The following RAB6A variants were observed in gnomAD, a reference collection of about 807,000 sequenced individuals.
RAB6A encodes the protein ras-related protein Rab-6A.
RAB6A carries 8 observed loss-of-function variants against 32.3 expected under a neutral mutation model. That is an observed-to-expected ratio of 0.25 (90% CI 0.15 to 0.45). The LOEUF (loss-of-function observed/expected upper bound fraction) is 0.45, where lower values mean the gene tolerates loss of function less well. RAB6A is among the 20% of genes least tolerant of loss of function. The pLI, the probability that RAB6A is intolerant of heterozygous loss-of-function variation, is 1.00. For missense variants in RAB6A, 104 were observed against 249.4 expected (o/e 0.42, Z 3.93); for synonymous variants, 73 against 82.1 (o/e 0.89, Z 0.60).
chr11:73,714,244 T>C (rs988904030), intron 5 of RAB6A, among the ~76,000 whole-genome samples: 2 of 141,014 alleles, frequency 1.4e-5, no homozygotes, highest in Non-Finnish European at 3.1e-5. Flanking sequence ...ACATATAATT[T>C]GACAAGTTTC....
At chr11:73,732,090 T>C (rs1946324851) in intron 1 of RAB6A, among the ~76,000 whole-genome samples, 1 of 151,996 alleles carries the variant, frequency 6.6e-6, no homozygotes, top group Admixed American at 6.6e-5. Flanking sequence ...AGGTCAAAAG[T>C]AGTGGAATGC....
At position 73,679,694 on chromosome 11, in the gene RAB6A, C is replaced by T; in HGVS notation, c.522G>A (p.Leu174=). The T allele has an allele frequency of 6.2e-7, 1 of 1,613,244 alleles. No homozygotes were observed. Among genetic ancestry groups the T allele is most frequent in the Non-Finnish European group, 8.5e-7 (1 of 1,179,824 alleles). ...KQLFRRVAAA[L]PGMESTQDRS... ...TGTCCTGTGTGCTTTCCATTCCCGG[C>T]AAAGCTGCTGCTACACGTCGAAAGA... The change falls in exon 7 of 8, where the codon TTG becomes TTA. Residue 174 remains leucine (L), a synonymous_variant. Coordinates refer to ENST00000336083, the MANE Select transcript of RAB6A (RefSeq NM_198896.2).
Position 73,679,666 on chromosome 11 carries a change from T to C in RAB6A, c.550A>G (p.Ser184Gly), listed in dbSNP as rs1230000407. ...LPGMESTQDR[S>G]REDMIDIKLE... Reference sequence around the variant, plus strand: ...ATAAAAAGGATACTATCTTCTCTGCTTCTGTCCTGTGTGCTTTCCATTCCC... The same window carrying C: ...ATAAAAAGGATACTATCTTCTCTGCCTCTGTCCTGTGTGCTTTCCATTCCC... The change falls in exon 7 of 8, where the codon AGC becomes GGC. Residue 184 changes from serine to glycine, a missense_variant. Coordinates refer to ENST00000336083, the MANE Select transcript of RAB6A (RefSeq NM_198896.2). The C allele has an allele frequency of 1.2e-6, 2 of 1,614,130 alleles. No individual in the cohort carries two copies. The highest frequency in any genetic ancestry group is 1.7e-6 in the Non-Finnish European group (2 of 1,179,968).
chr11:73,721,691 GT>G (rs142282849), intron 2 of RAB6A, among the ~76,000 whole-genome samples: 1,633 of 152,148 alleles, frequency 0.011, 25 homozygotes, highest in African/African-American at 0.035. Context: ...TATTTTAGAA[GT>G]TTTACCACCT....
At chr11:73,678,675 G>C (rs1299094128) in intron 7 of RAB6A, among the ~76,000 whole-genome samples, 1 of 151,204 alleles carries the variant, frequency 6.6e-6, no homozygotes, top group Non-Finnish European at 1.5e-5. Flanking sequence ...ATTTTTTGTT[G>C]TTGTTGTTGT....
At position 73,719,004 on chromosome 11, in the gene RAB6A, C is replaced by T. The variant is rs893075534; in HGVS notation, c.184-286G>A. 2.1e-5 allele frequency: 20 copies of T among 946,692 alleles called. No homozygotes were observed. The Admixed American group carries it at 5.8e-4, about 27-fold the overall frequency. 58.6% of individuals were successfully genotyped at this position (946,692 alleles called of 1,614,324 possible). ...GGGTGGGAAGGAAGTAGAAAGAAGA[C>T]TCATGCAAGAGGTTGCAGGGAGTGA... On this transcript the variant is annotated intron_variant, in intron 3 of 7. Transcript: ENST00000336083.
intron 5 of RAB6A, among the ~76,000 whole-genome samples, chr11:73,713,069 T>A (rs1334298763): frequency 1.3e-5 from 2 of 152,116 alleles, no homozygotes; most frequent in Non-Finnish European, 2.9e-5. Context: ...TCTTATCTTA[T>A]AACTTCAGAG....
chr11:73,718,913 TAAA>T, intron 3 of RAB6A, 195 bp from the exon 4 acceptor site: 3 of 1,165,804 alleles, frequency 2.6e-6, no homozygotes, highest in Non-Finnish European at 3.4e-6. Flanking sequence ...AAAAAATAAA[TAAA>T]AAAAAAAAAA....
intron 6 of RAB6A, among the ~76,000 whole-genome samples, chr11:73,701,330 C>T (rs1208630799): frequency 6.6e-6 from 1 of 152,126 alleles, no homozygotes; most frequent in Non-Finnish European, 1.5e-5. Flanking sequence ...AAACACACAA[C>T]GGTAATAACA....
intron 6 of RAB6A, among the ~76,000 whole-genome samples, chr11:73,683,799 T>G (rs1005455681): frequency 6.6e-6 from 1 of 152,072 alleles, no homozygotes; most frequent in East Asian, 1.9e-4. Flanking sequence ...GTGATCCACC[T>G]GCCTCAGCCT....
intron 2 of RAB6A, among the ~76,000 whole-genome samples, chr11:73,723,942 AAT>A (rs1322713414): frequency 6.6e-6 from 1 of 152,208 alleles, no homozygotes; most frequent in Non-Finnish European, 1.5e-5. Context: ...CCTGCATTTC[AAT>A]ATATAAGATT....
intron 6 of RAB6A, among the ~76,000 whole-genome samples, chr11:73,692,979 C>CA (rs775366989): frequency 2.3e-5 from 3 of 132,094 alleles, no homozygotes; most frequent in Non-Finnish European, 3.4e-5. Flanking sequence ...CAAAACAAAA[C>CA]AAAAAAACAA....
At chr11:73,678,074 C>CT (rs1421460462) in intron 7 of RAB6A, 112 bp from the exon 8 acceptor site, 1 of 1,104,632 alleles carries the variant, frequency 9.1e-7, no homozygotes, top group Non-Finnish European at 1.4e-6. Flanking sequence ...AGCCTACACA[C>CT]TCACTATTTT....
chr11:73,697,557 G>A (rs898305985), intron 6 of RAB6A, among the ~76,000 whole-genome samples: 17 of 152,034 alleles, frequency 1.1e-4, no homozygotes, highest in African/African-American at 3.9e-4. Flanking sequence ...ATGTTGGCCA[G>A]GCTGATCTTG....
intron 1 of RAB6A, among the ~76,000 whole-genome samples, chr11:73,738,847 G>A (rs901429620): frequency 1.1e-4 from 17 of 151,402 alleles, no homozygotes; most frequent in African/African-American, 3.9e-4. Flanking sequence ...GAGAGGCTGA[G>A]CCCAGATGAT....
intron 1 of RAB6A, among the ~76,000 whole-genome samples, chr11:73,750,164 G>C (rs959188169): frequency 1.3e-5 from 2 of 152,142 alleles, no homozygotes; most frequent in African/African-American, 2.4e-5. Context: ...CAAAAGTAAA[G>C]TTTGTCAGGA....
At chr11:73,722,336 TA>T (rs2134955993) in intron 2 of RAB6A, 1 of 8,416 alleles carries the variant, frequency 1.2e-4, no homozygotes, top group Non-Finnish European at 2.3e-4. Context: ...TATATATATA[TA>T]TATATATTTT....
In RAB6A at chr11:73,739,278, A is replaced by T. The variant is rs1253739331; in HGVS notation, c.71-8455T>A. ...TAATAATAATTAAAAAAAAAAAAAA[A>T]AAAAAAATATATATATATATATATA... On this transcript the variant is annotated intron_variant, in intron 1 of 7. Coordinates refer to ENST00000336083, the MANE Select transcript of RAB6A (RefSeq NM_198896.2). Among the ~76,000 whole-genome samples, 155 of 18,786 alleles carry T rather than the reference A, an allele frequency of 8.3e-3. 3 individuals carry two copies. Among genetic ancestry groups the T allele is most frequent in the Middle Eastern group, 0.024 (1 of 42 alleles). 12.3% of individuals were successfully genotyped at this position (18,786 alleles called of 152,430 possible). A position where few individuals can be genotyped will look rare whatever the true frequency, so the allele number is the denominator to read the frequency against.
At chr11:73,744,076 C>T (rs367853822) in intron 1 of RAB6A, among the ~76,000 whole-genome samples, 118 of 152,166 alleles carry the variant, frequency 7.8e-4, no homozygotes, top group Middle Eastern at 3.4e-3. Flanking sequence ...CAGTGGCTCA[C>T]GCCTGTAATT....
Sources: gnomAD v4.1 joint callset for allele counts (sites outside exome capture counted in the v4.1 genomes callset) on GRCh38, gnomAD v4.1.1 for gene constraint, MANE v1.5 for transcripts, NCBI Gene and HGNC (gene_info 2026-07-23, HGNC 2026-07-21) for gene names.